Variants in TMEM132C observed in about 807,000 individuals in gnomAD.
TMEM132C encodes protein phosphatase 1, regulatory subunit 152.
In TMEM132C, 29 loss-of-function variants were observed where a neutral mutation model predicts 61.4. That is an observed-to-expected ratio of 0.47 (90% CI 0.35 to 0.64). TMEM132C has a LOEUF of 0.64. Ranked by LOEUF, TMEM132C falls within the 30% of genes least tolerant of loss-of-function variation. The pLI is 0.00. For missense variants in TMEM132C, 1,408 were observed against 1,476.9 expected, an observed-to-expected ratio of 0.95 and a Z score of 0.76; for synonymous variants, 656 against 633.1, an observed-to-expected ratio of 1.04 and a Z score of -0.54.
intron 6 of TMEM132C, 21 bp downstream of exon 6, chr12:128,694,055 T>C: frequency 1.3e-6 from 2 of 1,550,370 alleles, no homozygotes; most frequent in African/African-American, 1.4e-5. Context: ...GATGGGGAGA[T>C]GCCCTAGAGC....
chr12:128,573,280 T>G (rs10773555), intron 3 of TMEM132C, among the ~76,000 whole-genome samples: 114,261 of 151,498 alleles, frequency 0.75, 45,547 homozygotes, highest in East Asian at 1. Context: ...CCATAAAAAA[T>G]GATGAGTTCA....
chr12:128,442,257 T>G (rs1308151311), intron 2 of TMEM132C, among the ~76,000 whole-genome samples: 1 of 152,214 alleles, frequency 6.6e-6, no homozygotes, highest in Non-Finnish European at 1.5e-5. Context: ...TTCTCCTTCA[T>G]ATGGCTTCTG....
intron 1 of TMEM132C, among the ~76,000 whole-genome samples, chr12:128,384,913 C>A (rs542492169): frequency 2.0e-4 from 30 of 152,330 alleles, no homozygotes; most frequent in Non-Finnish European, 3.2e-4. Flanking sequence ...CCACGCAGGA[C>A]GTGGTCCTCT....
intron 2 of TMEM132C, among the ~76,000 whole-genome samples, chr12:128,515,558 G>T (rs770382376): frequency 7.9e-5 from 12 of 152,330 alleles, no homozygotes; most frequent in Middle Eastern, 6.8e-3. Flanking sequence ...CTTTGGCTCG[G>T]CACAGTGGCT....
chr12:128,588,686 G>A (rs1223762567), intron 3 of TMEM132C, among the ~76,000 whole-genome samples: 1 of 152,090 alleles, frequency 6.6e-6, no homozygotes, highest in South Asian at 2.1e-4. Flanking sequence ...TGCGATTCAC[G>A]CCTTAATAAA....
At chr12:128,333,048 TGTGA>T (rs1872700614) in intron 1 of TMEM132C, among the ~76,000 whole-genome samples, 1 of 152,194 alleles carries the variant, frequency 6.6e-6, no homozygotes, top group South Asian at 2.1e-4. Context: ...GTGTTGTGTG[TGTGA>T]GTATTGTGTG....
chr12:128,682,174 A>G (rs1021747973), intron 5 of TMEM132C, among the ~76,000 whole-genome samples: 1 of 152,096 alleles, frequency 6.6e-6, no homozygotes, highest in Non-Finnish European at 1.5e-5. Context: ...TTCTGGCTGG[A>G]GGCGGAGCTT....
chr12:128,582,049 G>T (rs750919811), intron 3 of TMEM132C, among the ~76,000 whole-genome samples: 4 of 152,176 alleles, frequency 2.6e-5, no homozygotes, highest in Non-Finnish European at 4.4e-5. Flanking sequence ...AGGATCCCAG[G>T]CTTCAGTGAC....
chr12:128,530,563 C>A (rs1238645558), intron 2 of TMEM132C, among the ~76,000 whole-genome samples: 1 of 152,142 alleles, frequency 6.6e-6, no homozygotes, highest in African/African-American at 2.4e-5. Flanking sequence ...CCTGCCTCAG[C>A]CTCCCGAGTA....
intron 1 of TMEM132C, among the ~76,000 whole-genome samples, chr12:128,379,337 G>C (rs563434436): frequency 6.6e-6 from 1 of 152,270 alleles, no homozygotes; most frequent in African/African-American, 2.4e-5. Flanking sequence ...ATGTTGTTTT[G>C]GTCAATCAGC....
At chr12:128,511,732 GCC>G (rs1417926095) in intron 2 of TMEM132C, among the ~76,000 whole-genome samples, 3 of 152,222 alleles carry the variant, frequency 2.0e-5, no homozygotes, top group Non-Finnish European at 2.9e-5. Flanking sequence ...TCTGTCCCCA[GCC>G]CCAGGAGGTG....
At chr12:128,654,704 A>G (rs1340073365) in intron 4 of TMEM132C, among the ~76,000 whole-genome samples, 3 of 152,326 alleles carry the variant, frequency 2.0e-5, no homozygotes, top group African/African-American at 4.8e-5. Flanking sequence ...ACTCTGCTAC[A>G]GAATGCTGGG....
chr12:128,699,444 C>T (rs879368948), intron 8 of TMEM132C, among the ~76,000 whole-genome samples: 3 of 152,156 alleles, frequency 2.0e-5, no homozygotes, highest in Admixed American at 2.0e-4. Flanking sequence ...AGTTATAGGA[C>T]TGAGGTTGCC....
At chr12:128,609,856 G>A (rs140324380) in intron 3 of TMEM132C, among the ~76,000 whole-genome samples, 3 of 152,322 alleles carry the variant, frequency 2.0e-5, no homozygotes, top group Non-Finnish European at 1.5e-5. Flanking sequence ...AGTTTTGACA[G>A]CACTGTCCTC....
intron 3 of TMEM132C, among the ~76,000 whole-genome samples, chr12:128,557,378 G>C (rs1408805260): frequency 6.6e-6 from 1 of 152,194 alleles, no homozygotes. Context: ...ATGATTTATT[G>C]TATCAAGTTA....
intron 2 of TMEM132C, among the ~76,000 whole-genome samples, chr12:128,484,463 A>G (rs1266555907): frequency 6.6e-6 from 1 of 152,160 alleles, no homozygotes; most frequent in Non-Finnish European, 1.5e-5. Context: ...CATGTTCCAT[A>G]TATGATGATA....
chr12:128,548,450 T>C (rs1205255835), intron 3 of TMEM132C, among the ~76,000 whole-genome samples: 1 of 152,206 alleles, frequency 6.6e-6, no homozygotes, highest in African/African-American at 2.4e-5. Context: ...ACTTGTGAAC[T>C]GGCTACGTGG....
intron 3 of TMEM132C, among the ~76,000 whole-genome samples, chr12:128,577,073 C>T (rs1449507619): frequency 6.6e-6 from 1 of 152,186 alleles, no homozygotes; most frequent in Non-Finnish European, 1.5e-5. Flanking sequence ...CACTAGCAGG[C>T]ATTTGACCTT....
At chr12:128,383,841 G>C (rs771310194) in intron 1 of TMEM132C, among the ~76,000 whole-genome samples, 1 of 152,120 alleles carries the variant, frequency 6.6e-6, no homozygotes. Context: ...AGGAATCCTC[G>C]TAGTGTAGCC....
Sources: gnomAD v4.1 joint callset for allele counts (sites outside exome capture counted in the v4.1 genomes callset) on GRCh38, gnomAD v4.1.1 for gene constraint, MANE v1.5 for transcripts, NCBI Gene and HGNC (gene_info 2026-07-23, HGNC 2026-07-21) for gene names.